The following CRELD2 variants were observed in gnomAD, a reference collection of about 807,000 sequenced individuals.
The protein encoded by CRELD2 is protein disulfide isomerase CRELD2.
CRELD2 carries 33 observed loss-of-function variants against 48.1 expected under a neutral mutation model. That is an observed-to-expected ratio of 0.69 (90% CI 0.52 to 0.92). The LOEUF (loss-of-function observed/expected upper bound fraction) is 0.92, where lower values mean the gene tolerates loss of function less well. Ranked by LOEUF, CRELD2 falls within the 40% of genes least tolerant of loss-of-function variation. CRELD2 has a pLI of 0.00. For synonymous variants in CRELD2, 220 were observed against 203.9 expected (o/e 1.08, Z -0.67); for missense variants, 477 against 482.4 (o/e 0.99, Z 0.10).
rs1213954973 is a variant in CRELD2, at chr22:49,923,103, CAG to C, written c.689-130_689-129del. 21 of 674,978 alleles carry C rather than the reference CAG, an allele frequency of 3.1e-5. 2 individuals carry two copies. The highest frequency in any genetic ancestry group is 3.0e-4 in the South Asian group (15 of 50,832). The allele number at this position is 674,978 out of a possible 1,614,324, so 41.8% of individuals were successfully genotyped here. On this transcript the variant is annotated intron_variant, in intron 6 of 9. Coordinates refer to ENST00000328268, the MANE Select transcript of CRELD2 (RefSeq NM_024324.5). ...GATGGCATTTGAGATGATTCCTCCT[CAG>C]GGGCTGCCCTCCTCCCTGCCCTTCC...
rs1304086291 is a variant in CRELD2, at chr22:49,923,244, G to A, written c.699G>A (p.Glu233=). The part of the protein sequence containing the change: ...LDEGACVDVD[E]CAAEPPPCSA... ...GCCGCTCTGTTCCAGATGTGGACGAGTGTGCGGCCGAGCCGCCTCCCTGCA... is the reference window on the plus strand; with the variant it reads ...GCCGCTCTGTTCCAGATGTGGACGAATGTGCGGCCGAGCCGCCTCCCTGCA... Residue 233 remains glutamate, a synonymous_variant, in exon 7 of 10, where the codon GAG becomes GAA. Coordinates refer to ENST00000328268, the MANE Select transcript of CRELD2 (RefSeq NM_024324.5). The A allele has an allele frequency of 2.5e-6, 4 of 1,583,108 alleles. No homozygotes were observed. Among genetic ancestry groups the A allele is most frequent in the Admixed American group, 1.7e-5 (1 of 57,480 alleles).
intron 9 of CRELD2, 21 bp downstream of exon 9, chr22:49,925,578 CCA>C (rs2060753273): frequency 6.2e-7 from 1 of 1,612,458 alleles, no homozygotes; most frequent in Admixed American, 1.7e-5. Context: ...CGGCTGCCCT[CCA>C]CACAGGCTGC....
In CRELD2 at chr22:49,918,654, A is replaced by C. The variant is rs1374762928; in HGVS notation, c.-116A>C. The stretch of plus-strand genomic sequence containing the variant: ...GGGGCGGGGCCTCGCCGGCGCCGTC[A>C]AGTAGCCTGGGGGACAGGCCGGCGC... On this transcript the variant is annotated 5_prime_UTR_variant, in exon 1 of 10. Transcript: ENST00000328268. 12 of 369,734 alleles carry C rather than the reference A, an allele frequency of 3.2e-5. No homozygotes were observed. The highest frequency in any genetic ancestry group is 5.2e-5 in the Non-Finnish European group (11 of 213,046). The allele number at this position is 369,734 out of a possible 1,614,324, so 22.9% of individuals were successfully genotyped here.
Position 49,923,222 on chromosome 22 carries a change from GCT to G in CRELD2, c.689-9_689-8del. On this transcript the variant is annotated splice_polypyrimidine_tract_variant and intron_variant, in intron 6 of 9. Transcript: ENST00000328268. The stretch of plus-strand genomic sequence containing the variant: ...GTCCTGGGCCGCTCACAGCTGTGCC[GCT>G]CTGTTCCAGATGTGGACGAGTGTGC... The G allele has an allele frequency of 6.4e-7, 1 of 1,561,508 alleles. No individual in the cohort carries two copies. The highest frequency in any genetic ancestry group is 8.7e-7 in the Non-Finnish European group (1 of 1,154,990).
chr22:49,921,520 C>A, intron 4 of CRELD2, 65 bp from the exon 5 acceptor site: 1 of 1,507,460 alleles, frequency 6.6e-7, no homozygotes, highest in Non-Finnish European at 9.0e-7. Context: ...GCGTTCTCTC[C>A]GTGTGAGAAC....
chr22:49,925,403 T>G lies in CRELD2; in HGVS notation c.869-14T>G. On this transcript the variant is annotated splice_polypyrimidine_tract_variant and intron_variant, in intron 8 of 9. Transcript: ENST00000328268. ...GAGCAAAGTAATTATTAAAACGGAG[T>G]CTTTTCATTTTAGATGTGGACGAGT... is the stretch of plus-strand genomic sequence containing the variant. The G allele has an allele frequency of 1.3e-6, 2 of 1,525,834 alleles. No homozygotes were observed. The highest frequency in any genetic ancestry group is 1.8e-6 in the Non-Finnish European group (2 of 1,108,516). The allele number at this position is 1,525,834 out of a possible 1,614,324, so 94.5% of individuals were successfully genotyped here. A position where few individuals can be genotyped will look rare whatever the true frequency, so the allele number is the denominator to read the frequency against.
chr22:49,921,772 C>T lies in CRELD2; in HGVS notation c.592+11C>T, dbSNP rs374863570. 20 of 1,598,596 alleles carry T rather than the reference C, an allele frequency of 1.3e-5. No individual in the cohort carries two copies. The highest frequency in any genetic ancestry group is 4.0e-5 in the African/African-American group (3 of 74,804). On this transcript the variant is annotated intron_variant, in intron 5 of 9. Transcript: ENST00000328268. ...ACAGCATCTGCACAGGTACGGGCTA[C>T]GCCTGGGCTGGCCCCGGGGTTGAGG... is the stretch of plus-strand genomic sequence containing the variant.
chr22:49,926,335 C>T (rs1288972129), intron 9 of CRELD2: 1 of 152,188 alleles, frequency 6.6e-6, no homozygotes, highest in Non-Finnish European at 1.5e-5. Flanking sequence ...TGACAGTCCT[C>T]ACAGAAGTCT....
In CRELD2 at chr22:49,920,191, G is replaced by T. The variant is rs1288736621; in HGVS notation, c.359G>T (p.Cys120Phe). The change falls in exon 4 of 10, where the codon TGT (cysteine) becomes TTT (phenylalanine). Residue 120 changes from cysteine (C) to phenylalanine (F), a missense_variant. By Grantham distance (205) the Cys-to-Phe change is radical. Coordinates refer to ENST00000328268, the MANE Select transcript of CRELD2 (RefSeq NM_024324.5). ...SEYPDLFEWF[C>F]VKTLKVCCSP... ...TATCCTGACTTATTCGAGTGGTTTT[G>T]TGTGAAGACACTGAAAGTGTGCTGC... 14 of 1,613,476 alleles carry T rather than the reference G, an allele frequency of 8.7e-6. No homozygotes were observed. Among genetic ancestry groups the T allele is most frequent in the South Asian group, 1.1e-5 (1 of 91,064 alleles).
rs145697592 is a variant in CRELD2 at position 49,922,378 on chromosome 22, G to A, written c.593-234G>A. 93 of 1,611,020 alleles carry A rather than the reference G, an allele frequency of 5.8e-5. No individual in the cohort carries two copies. The highest frequency in any genetic ancestry group is 2.2e-4 in the East Asian group (10 of 44,800). On this transcript the variant is annotated intron_variant, in intron 5 of 9. Coordinates refer to ENST00000328268, the MANE Select transcript of CRELD2 (RefSeq NM_024324.5). The stretch of plus-strand genomic sequence containing the variant: ...CGTGGCGTGGGCCACGCATGGATCC[G>A]TGGCCGGAACACGCACACCCAGCCA...
intron 9 of CRELD2, chr22:49,925,800 G>C: frequency 6.1e-6 from 8 of 1,317,024 alleles, no homozygotes; most frequent in South Asian, 1.6e-5. Flanking sequence ...GAAGGGGGAA[G>C]TCTCTGAAGC....
At chr22:49,920,665 C>T (rs2060675795) in intron 4 of CRELD2, among the ~76,000 whole-genome samples, 1 of 152,254 alleles carries the variant, frequency 6.6e-6, no homozygotes, top group African/African-American at 2.4e-5. Context: ...GTCTATCAGG[C>T]TGGGCACATG....
intron 9 of CRELD2, chr22:49,925,865 A>C: frequency 1.4e-6 from 1 of 721,154 alleles, no homozygotes; most frequent in Non-Finnish European, 1.9e-6. Context: ...GAGGCAGCTA[A>C]AGAGCTGGAA....
chr22:49,921,314 C>T (rs1433152618), intron 4 of CRELD2: 15 of 487,216 alleles, frequency 3.1e-5, no homozygotes, highest in Non-Finnish European at 4.8e-5. Flanking sequence ...GACAGCTGTG[C>T]TATGCAGGGT....
Position 49,921,663 on chromosome 22 carries a change from C to T in CRELD2, c.494C>T (p.Ser165Phe). The part of the protein sequence containing the change: ...SGDGSRQGDG[S>F]CRCHMGYQGP... ...GATGGGAGCAGACAGGGCGACGGGTCCTGCCGGTGCCACATGGGGTACCAG... is the reference window on the plus strand; with the variant it reads ...GATGGGAGCAGACAGGGCGACGGGTTCTGCCGGTGCCACATGGGGTACCAG... The change falls in exon 5 of 10, where the codon TCC becomes TTC. Residue 165 changes from serine (S) to phenylalanine (F), a missense_variant. Ser to Phe is a radical substitution (Grantham distance 155). Coordinates refer to ENST00000328268, the MANE Select transcript of CRELD2 (RefSeq NM_024324.5). 1.2e-6 allele frequency: 2 copies of T among 1,612,850 alleles called. No homozygotes were observed. Among genetic ancestry groups the T allele is most frequent in the African/African-American group, 1.3e-5 (1 of 75,040 alleles).
chr22:49,922,847 G>T, intron 6 of CRELD2, 140 bp downstream of exon 6: 1 of 158,676 alleles, frequency 6.3e-6, no homozygotes, highest in Non-Finnish European at 1.3e-5. Context: ...AGGTGGGGGC[G>T]TGAGGTGTGG....
chr22:49,918,900 T>TTC lies in CRELD2; in HGVS notation c.129+2_129+3insTC. The TTC allele has an allele frequency of 7.6e-7, 1 of 1,323,322 alleles. No individual in the cohort carries two copies. The highest frequency in any genetic ancestry group is 2.0e-5 in the South Asian group (1 of 50,094). The allele number at this position is 1,323,322 out of a possible 1,614,324, so 82.0% of individuals were successfully genotyped here. ...GGGCTGGTGGACAAGTTTAACCAGG[T>TTC]GGGAAGGGGCCGGGCGGGGTCGTCA... On this transcript the variant is annotated splice_region_variant and intron_variant, in intron 1 of 9. Coordinates refer to ENST00000328268, the MANE Select transcript of CRELD2 (RefSeq NM_024324.5).
At position 49,918,649 on chromosome 22, in the gene CRELD2, C is replaced by G; in HGVS notation, c.-121C>G. 2.8e-6 allele frequency: 1 copy of G among 362,208 alleles called. No homozygotes were observed. The allele number at this position is 362,208 out of a possible 1,614,324, so 22.4% of individuals were successfully genotyped here. ...CGGGTGGGGCGGGGCCTCGCCGGCG[C>G]CGTCAAGTAGCCTGGGGGACAGGCC... On this transcript the variant is annotated 5_prime_UTR_variant, in exon 1 of 10. Coordinates refer to ENST00000328268, the MANE Select transcript of CRELD2 (RefSeq NM_024324.5).
chr22:49,923,180 C>A (rs1027635930), intron 6 of CRELD2, 54 bp from the exon 7 acceptor site: 3 of 1,424,096 alleles, frequency 2.1e-6, no homozygotes, highest in South Asian at 2.8e-5. Flanking sequence ...GGTCCTTCCC[C>A]GCTCCCTGGC....
Sources: gnomAD v4.1 joint callset for allele counts (sites outside exome capture counted in the v4.1 genomes callset) on GRCh38, gnomAD v4.1.1 for gene constraint, MANE v1.5 for transcripts, NCBI Gene and HGNC (gene_info 2026-07-23, HGNC 2026-07-21) for gene names.